Variants in ARHGAP32 observed in about 807,000 individuals in gnomAD.
ARHGAP32 encodes Rho GTPase activating protein 32, also known as rho GTPase-activating protein 32.
A neutral mutation model predicts 186.5 loss-of-function variants in ARHGAP32; 51 were observed. The observed-to-expected ratio is 0.27, with a 90% CI of 0.22 to 0.35. The LOEUF is 0.35. Ranked by LOEUF, ARHGAP32 falls within the 10% of genes least tolerant of loss-of-function variation. The pLI, the probability that ARHGAP32 is intolerant of heterozygous loss-of-function variation, is 1.00. For missense variants in ARHGAP32, 2,186 were observed against 2,623.5 expected, an observed-to-expected ratio of 0.83 and a Z score of 3.64; for synonymous variants, 950 against 964.3, an observed-to-expected ratio of 0.99 and a Z score of 0.27.
chr11:129,082,485 A>G (rs1941249732), intron 6 of ARHGAP32, among the ~76,000 whole-genome samples: 1 of 151,228 alleles, frequency 6.6e-6, no homozygotes, highest in East Asian at 1.9e-4. Context: ...GCAAATAAAA[A>G]CATACAGTGG....
At chr11:129,089,130 T>C (rs887242068) in intron 6 of ARHGAP32, among the ~76,000 whole-genome samples, 1 of 152,028 alleles carries the variant, frequency 6.6e-6, no homozygotes, top group Non-Finnish European at 1.5e-5. Context: ...TCCCAACATA[T>C]GTAGGATCAG....
At chr11:129,186,929 G>GC (rs1205017516) in intron 1 of ARHGAP32, among the ~76,000 whole-genome samples, 4 of 152,042 alleles carry the variant, frequency 2.6e-5, no homozygotes, top group African/African-American at 9.7e-5. Context: ...TGTAAATTAG[G>GC]CAACTACTAT....
chr11:129,131,110 TG>T (rs1306136579), intron 2 of ARHGAP32, among the ~76,000 whole-genome samples: 1 of 152,130 alleles, frequency 6.6e-6, no homozygotes, highest in Admixed American at 6.5e-5. Flanking sequence ...TACATTTATA[TG>T]AAGTTCAAGA....
Position 129,037,884 on chromosome 11 carries a change from C to T in ARHGAP32, c.1045+3044G>A, listed in dbSNP as rs572723777. On this transcript the variant is annotated intron_variant, in intron 11 of 22. Coordinates refer to ENST00000682385, the MANE Select transcript of ARHGAP32 (RefSeq NM_001378024.1). ...TTGGGAGGCCGAGGTGGGCGGATCA[C>T]GATGTCAGGAGTTTAAGACCAGCCT... Among the ~76,000 whole-genome samples, 20 of 151,842 alleles carry T rather than the reference C, an allele frequency of 1.3e-4. 3 individuals carry two copies. The highest frequency in any genetic ancestry group is 3.9e-4 in the African/African-American group (16 of 41,266).
chr11:129,266,004 C>T (rs1945395128), intron 1 of ARHGAP32, among the ~76,000 whole-genome samples: 1 of 151,886 alleles, frequency 6.6e-6, no homozygotes. Context: ...AAACATAAAA[C>T]TGAATATTTA....
In ARHGAP32 at chr11:129,075,398, C is replaced by T. The variant is rs561159900; in HGVS notation, c.532-8530G>A. On this transcript the variant is annotated intron_variant, in intron 6 of 22. Coordinates refer to ENST00000682385, the MANE Select transcript of ARHGAP32 (RefSeq NM_001378024.1). Reference sequence around the variant, plus strand: ...AGAAAGTTATGAGGGATAAATGGGGCACTCAGTAATGTCAAATGGATCAAT... The same window carrying T: ...AGAAAGTTATGAGGGATAAATGGGGTACTCAGTAATGTCAAATGGATCAAT... Among the ~76,000 whole-genome samples, 17 of 152,198 alleles carry T rather than the reference C, an allele frequency of 1.1e-4. No individual in the cohort carries two copies. In the East Asian group the frequency reaches 3.3e-3, roughly 29 times the overall value.
intron 15 of ARHGAP32, 145 bp downstream of exon 15, chr11:128,985,858 G>GTATATA (rs1555063867): frequency 0.044 from 4,178 of 95,774 alleles, 182 homozygotes; most frequent in Admixed American, 0.089. Context: ...GTGTGTGTGT[G>GTATATA]TATATATATA....
Position 129,164,330 on chromosome 11 carries a change from G to C in ARHGAP32, c.214C>G (p.Leu72Val). The change falls in exon 2 of 23, where the codon CTT becomes GTT. Residue 72 changes from leucine (L) to valine (V), a missense_variant. Coordinates refer to ENST00000682385, the MANE Select transcript of ARHGAP32 (RefSeq NM_001378024.1). ...TAAAACTGATTTACCATTGCGCTAA[G>C]AGTTTCTTCCCAATCAGGCCGCTCT... Reference protein sequence around the residue: ...PRERPDWEETLSAMARGADVP... With the variant: ...PRERPDWEETVSAMARGADVP... 1 of 1,556,142 alleles carries C rather than the reference G, an allele frequency of 6.4e-7. No homozygotes were observed. The highest frequency in any genetic ancestry group is 1.2e-5 in the South Asian group (1 of 84,386).
intron 1 of ARHGAP32, among the ~76,000 whole-genome samples, chr11:129,174,667 C>T (rs2135515291): frequency 6.6e-6 from 1 of 152,298 alleles, no homozygotes; most frequent in East Asian, 1.9e-4. Flanking sequence ...GGGAGGCACC[C>T]CCAAGCAGGG....
chr11:129,142,195 C>T (rs1185467784), intron 2 of ARHGAP32, among the ~76,000 whole-genome samples: 4 of 152,068 alleles, frequency 2.6e-5, no homozygotes, highest in Admixed American at 2.0e-4. Flanking sequence ...AGAAATACCC[C>T]GGCTCTTCCC....
At chr11:129,111,896 G>A (rs1464644600) in intron 5 of ARHGAP32, among the ~76,000 whole-genome samples, 3 of 152,038 alleles carry the variant, frequency 2.0e-5, no homozygotes, top group African/African-American at 4.8e-5. Context: ...CCAAGTAGCA[G>A]GGACTATGGC....
chr11:129,205,860 G>C (rs751740841), intron 1 of ARHGAP32, among the ~76,000 whole-genome samples: 11 of 151,958 alleles, frequency 7.2e-5, no homozygotes, highest in Non-Finnish European at 1.5e-5. Context: ...TAAACACTTA[G>C]TATGTACTCA....
intron 1 of ARHGAP32, among the ~76,000 whole-genome samples, chr11:129,219,439 C>G (rs1280498854): frequency 6.6e-6 from 1 of 152,086 alleles, no homozygotes; most frequent in Non-Finnish European, 1.5e-5. Flanking sequence ...TCTAGTATTC[C>G]TATCCTCACA....
intron 1 of ARHGAP32, among the ~76,000 whole-genome samples, chr11:129,229,257 AAAGT>A (rs1944826567): frequency 6.6e-6 from 1 of 152,222 alleles, no homozygotes; most frequent in South Asian, 2.1e-4. Flanking sequence ...ACATACTTAT[AAAGT>A]GTGTACTGAC....
intron 11 of ARHGAP32, among the ~76,000 whole-genome samples, chr11:128,999,067 T>C (rs1946278309): frequency 6.6e-6 from 1 of 152,214 alleles, no homozygotes; most frequent in Admixed American, 6.5e-5. Context: ...GAGATAACCA[T>C]AAGGCCTGAC....
rs1332925936 is a variant in ARHGAP32, at chr11:129,123,233, TGTTA to T, written c.444+209_444+212del. Among the ~76,000 whole-genome samples, 1 of 151,948 alleles carries T rather than the reference TGTTA, an allele frequency of 6.6e-6. No homozygotes were observed. Among genetic ancestry groups the T allele is most frequent in the East Asian group, 1.9e-4 (1 of 5,182 alleles). ...GGACTGATTTTCCTTAACTGATACA[TGTTA>T]GTGTGATGGTTACTTTCATATGTCA... On this transcript the variant is annotated intron_variant, in intron 5 of 22. Coordinates refer to ENST00000682385, the MANE Select transcript of ARHGAP32 (RefSeq NM_001378024.1). The surrounding 1 kb of genome is among the most constrained non-coding windows in gnomAD (Gnocchi z 4.6).
intron 6 of ARHGAP32, among the ~76,000 whole-genome samples, chr11:129,073,213 C>A (rs1022289853): frequency 6.6e-6 from 1 of 151,914 alleles, no homozygotes; most frequent in Admixed American, 6.6e-5. Context: ...AAAATCACAA[C>A]GTGAACTAAA....
chr11:128,991,916 C>T (rs145823102), intron 12 of ARHGAP32, among the ~76,000 whole-genome samples: 1 of 152,098 alleles, frequency 6.6e-6, no homozygotes, highest in African/African-American at 2.4e-5. Flanking sequence ...CTTTTCTCTT[C>T]ATTCATTCAC....
rs75476828 is a variant in ARHGAP32 at position 129,092,874 on chromosome 11, C to T, written c.531+747G>A. On this transcript the variant is annotated intron_variant, in intron 6 of 22. Coordinates refer to ENST00000682385, the MANE Select transcript of ARHGAP32 (RefSeq NM_001378024.1). ...TAGAAGAAAGCTTTCCTCCTAAATG[C>T]TTTCTTTACAATGACTAATTCACCA... 2.7e-3 allele frequency among the ~76,000 whole-genome samples: 403 copies of T among 151,988 alleles called. 5 individuals carry two copies. The highest frequency in any genetic ancestry group is 9.2e-3 in the African/African-American group (383 of 41,510).
Sources: gnomAD v4.1 joint callset for allele counts (sites outside exome capture counted in the v4.1 genomes callset) on GRCh38, gnomAD v4.1.1 for gene constraint, Gnocchi (gnomAD v3.1) non-coding constraint, MANE v1.5 for transcripts, NCBI Gene and HGNC (gene_info 2026-07-23, HGNC 2026-07-21) for gene names.